GNB5: variants seen among roughly 807,000 people sequenced by gnomAD.
The protein encoded by GNB5 is G protein subunit beta 5.
Under a neutral mutation model 55.3 loss-of-function variants are expected in GNB5, and 37 were observed. The observed-to-expected ratio is 0.67, with a 90% CI of 0.51 to 0.88. The LOEUF is 0.88. Ranked by LOEUF, GNB5 falls within the 40% of genes least tolerant of loss-of-function variation. The pLI, the probability that GNB5 is intolerant of heterozygous loss-of-function variation, is 0.00. For missense variants in GNB5, 476 were observed against 515.3 expected (o/e 0.92, Z 0.74); for synonymous variants, 219 against 198.5 (o/e 1.10, Z -0.87).
rs1433027931 is a variant in GNB5, at chr15:52,118,019, G to A, written c.*4738C>T. Reference sequence around the variant, plus strand: ...CCACTGTGCCTTCCCCAGGCTTCCAGGCGTCCTCTTTTGAAAGGATTTTCA... The same window carrying A: ...CCACTGTGCCTTCCCCAGGCTTCCAAGCGTCCTCTTTTGAAAGGATTTTCA... On this transcript the variant is annotated 3_prime_UTR_variant, in exon 13 of 13. Coordinates refer to ENST00000261837, the MANE Select transcript of GNB5 (RefSeq NM_016194.4). 2 of 152,934 alleles carry A rather than the reference G, an allele frequency of 1.3e-5. No individual in the cohort carries two copies. Among genetic ancestry groups the A allele is most frequent in the East Asian group, 1.9e-4 (1 of 5,224 alleles). The allele number at this position is 152,934 out of a possible 1,614,324, so 9.5% of individuals were successfully genotyped here.
At chr15:52,139,546 T>C (rs1458209023) in intron 7 of GNB5, 1 of 205,370 alleles carries the variant, frequency 4.9e-6, no homozygotes, top group East Asian at 1.4e-4. Flanking sequence ...TCATCTAATT[T>C]AAGCCTCAGA....
intron 10 of GNB5, among the ~76,000 whole-genome samples, chr15:52,127,857 G>A (rs2033467544): frequency 6.7e-6 from 1 of 150,000 alleles, no homozygotes; most frequent in African/African-American, 2.4e-5. Context: ...TCCAAAAATT[G>A]AAGACGAATG....
intron 7 of GNB5, 86 bp from the exon 8 acceptor site, chr15:52,135,842 G>C: frequency 2.0e-6 from 2 of 1,008,238 alleles, no homozygotes; most frequent in East Asian, 5.9e-5. Context: ...CGTTCCGCAG[G>C]GAAAAGCAGA....
chr15:52,169,172 A>C (rs2141230124), intron 3 of GNB5, among the ~76,000 whole-genome samples: 2 of 152,080 alleles, frequency 1.3e-5, no homozygotes, highest in Middle Eastern at 3.4e-3. Context: ...AAAAATACAA[A>C]AATTAGGTGT....
intron 4 of GNB5, among the ~76,000 whole-genome samples, chr15:52,151,411 G>A (rs1457417867): frequency 2.0e-5 from 3 of 152,148 alleles, no homozygotes; most frequent in South Asian, 2.1e-4. Context: ...TGGTCTCCTC[G>A]GTGAGCACAG....
At position 52,135,626 on chromosome 15, in the gene GNB5, G is replaced by C. The variant is rs780048321; in HGVS notation, c.758C>G (p.Thr253Ser). The C allele has an allele frequency of 1.2e-6, 2 of 1,613,722 alleles. No homozygotes were observed. The highest frequency in any genetic ancestry group is 1.3e-5 in the African/African-American group (1 of 74,986). Residue 253 changes from threonine (T) to serine (S), a missense_variant, in exon 8 of 13, where the codon ACC becomes AGC. Transcript: ENST00000261837. ...LDLAPSETGN[T>S]FVSGGCDKKA... is the part of the protein sequence containing the mutation. ...CTGGGTCTTTACCCCAGACACGAAG[G>C]TGTTTCCAGTTTCTGAGGGGGCCAG...
At chr15:52,164,113 C>T (rs955777273) in intron 3 of GNB5, among the ~76,000 whole-genome samples, 5 of 151,632 alleles carry the variant, frequency 3.3e-5, no homozygotes, top group Non-Finnish European at 7.4e-5. Context: ...ACCAGCCTGA[C>T]CAACATAGTG....
chr15:52,140,262 C>T (rs550524529), intron 7 of GNB5: 1 of 161,140 alleles, frequency 6.2e-6, no homozygotes, highest in Non-Finnish European at 1.4e-5. Context: ...TTTAAACAAA[C>T]CAAAATCTGA....
intron 7 of GNB5, chr15:52,139,850 G>A (rs992626185): frequency 7.8e-7 from 1 of 1,283,698 alleles, no homozygotes; most frequent in Admixed American, 2.3e-5. Flanking sequence ...CCTGCCCCGG[G>A]GCAACACAGA....
At chr15:52,122,874 A>C (rs2033307904) in intron 12 of GNB5, 106 bp from the exon 13 acceptor site, 2 of 816,380 alleles carry the variant, frequency 2.4e-6, no homozygotes, top group Non-Finnish European at 4.3e-6. Flanking sequence ...GCATGGGCAT[A>C]CATATATGTG....
Position 52,124,525 on chromosome 15 carries a change from A to G in GNB5, c.1124T>C (p.Val375Ala). 1.2e-6 allele frequency: 2 copies of G among 1,613,948 alleles called. No homozygotes were observed. Among genetic ancestry groups the G allele is most frequent in the Non-Finnish European group, 1.7e-6 (2 of 1,179,826 alleles). ...GCAGAAAGCAGTCCCATCGGGGGAA[A>G]CTCGTAGAGTGCTAACGCGGTTTTC... ...GHENRVSTLR[V>A]SPDGTAFCSG... The change falls in exon 12 of 13, where the codon GTT (valine) becomes GCT (alanine). Residue 375 changes from valine to alanine, a missense_variant. Transcript: ENST00000261837.
At chr15:52,180,971 C>T (rs1566951095) in intron 2 of GNB5, 1 of 152,350 alleles carries the variant, frequency 6.6e-6, no homozygotes, top group East Asian at 1.9e-4. Context: ...CTCCCTAGTG[C>T]TCTGGACTTT....
intron 5 of GNB5, chr15:52,149,240 A>T (rs1468849866): frequency 6.5e-6 from 1 of 152,778 alleles, no homozygotes; most frequent in Non-Finnish European, 1.5e-5. Context: ...TTTTCATAGC[A>T]TAAAGGAAGG....
At chr15:52,177,027 CCTTT>C (rs1335501619) in intron 3 of GNB5, among the ~76,000 whole-genome samples, 4 of 120,362 alleles carry the variant, frequency 3.3e-5, no homozygotes, top group South Asian at 5.3e-4. Flanking sequence ...CCTAGCTCCT[CCTTT>C]TTTTTTTTTT....
Position 52,135,644 on chromosome 15 carries a change from G to C in GNB5, c.740C>G (p.Pro247Arg). 1.9e-6 allele frequency: 3 copies of C among 1,613,728 alleles called. No individual in the cohort carries two copies. Among genetic ancestry groups the C allele is most frequent in the Non-Finnish European group, 2.5e-6 (3 of 1,179,874 alleles). ...CACGAAGGTGTTTCCAGTTTCTGAGGGGGCCAGGTCCAAGCAGAGGACGTC... is the reference window on the plus strand; with the variant it reads ...CACGAAGGTGTTTCCAGTTTCTGAGCGGGCCAGGTCCAAGCAGAGGACGTC... ...GADVLCLDLA[P>R]SETGNTFVSG... The change falls in exon 8 of 13, where the codon CCC becomes CGC. Residue 247 changes from proline to arginine, a missense_variant. Transcript: ENST00000261837.
At chr15:52,159,027 G>T (rs2034275198) in intron 3 of GNB5, among the ~76,000 whole-genome samples, 1 of 152,226 alleles carries the variant, frequency 6.6e-6, no homozygotes, top group Non-Finnish European at 1.5e-5. Flanking sequence ...AGGTGAGTCA[G>T]ATGAGAGGAG....
chr15:52,144,640 T>C (rs1415308763), intron 6 of GNB5, among the ~76,000 whole-genome samples: 1 of 152,116 alleles, frequency 6.6e-6, no homozygotes, highest in African/African-American at 2.4e-5. Flanking sequence ...ATGGGGGCTT[T>C]TGGATGCATC....
rs1383283626 is a variant in GNB5, at chr15:52,122,632, G to C, written c.*125C>G. On this transcript the variant is annotated 3_prime_UTR_variant, in exon 13 of 13. Transcript: ENST00000261837. The stretch of plus-strand genomic sequence containing the variant: ...TCATATTGGAGACGCTTAGTGACCT[G>C]TGAGCCATGGGTTGCTCCCCTAAGC... 3.9e-6 allele frequency: 3 copies of C among 770,922 alleles called. No individual in the cohort carries two copies. In the African/African-American group the frequency reaches 5.1e-5, roughly 13 times the overall value. The allele number at this position is 770,922 out of a possible 1,614,324, so 47.8% of individuals were successfully genotyped here.
rs1174309128 is a variant in GNB5 at position 52,118,451 on chromosome 15, C to T, written c.*4306G>A. On this transcript the variant is annotated 3_prime_UTR_variant, in exon 13 of 13. Coordinates refer to ENST00000261837, the MANE Select transcript of GNB5 (RefSeq NM_016194.4). ...CATGGGAGAAAGATCACCTTGATGG[C>T]TAATGGAACGTGTGCATCTGTATTC... 6.6e-6 allele frequency: 1 copy of T among 151,968 alleles called. No individual in the cohort carries two copies. The allele number at this position is 151,968 out of a possible 1,614,324, so 9.4% of individuals were successfully genotyped here. A position where few individuals can be genotyped will look rare whatever the true frequency, so the allele number is the denominator to read the frequency against.
Sources: allele counts gnomAD v4.1 joint callset (sites outside exome capture counted in the v4.1 genomes callset), GRCh38; gene constraint gnomAD v4.1.1; transcripts MANE v1.5; gene names NCBI Gene and HGNC (gene_info 2026-07-23, HGNC 2026-07-21).